Variants in CBFA2T3 observed in about 807,000 individuals in gnomAD.
CBFA2T3 encodes transcriptional corepressor CBFA2T3.
CBFA2T3 carries 31 observed loss-of-function variants against 58.6 expected under a neutral mutation model. The observed-to-expected ratio is 0.53, with a 90% confidence interval of 0.40 to 0.71. The LOEUF (loss-of-function observed/expected upper bound fraction) is 0.71. Ranked by LOEUF, CBFA2T3 falls within the 30% of genes least tolerant of loss-of-function variation. The probability of loss-of-function intolerance (pLI) is 0.00; values close to 1 mark genes in which losing one functional copy is unlikely to be tolerated. For missense variants in CBFA2T3, 1,076 were observed against 963.1 expected (o/e 1.12, Z -1.55); for synonymous variants, 531 against 421.9 (o/e 1.26, Z -3.17).
chr16:88,909,507 C>T (rs112193073), intron 1 of CBFA2T3, among the ~76,000 whole-genome samples: 7 of 76,000 alleles, frequency 9.2e-5, no homozygotes, highest in African/African-American at 2.2e-4. Context: ...GGACGGAGGA[C>T]GCCACTGCAA....
intron 5 of CBFA2T3, 69 bp from the exon 6 acceptor site, chr16:88,886,211 G>A: frequency 8.2e-7 from 1 of 1,225,374 alleles, no homozygotes; most frequent in Non-Finnish European, 1.1e-6. Context: ...TCCGAGCAGA[G>A]GGGGCCTGGG....
In CBFA2T3 at chr16:88,976,743, A is replaced by C; in HGVS notation, c.65T>G (p.Met22Arg). 6.4e-7 allele frequency: 1 copy of C among 1,557,336 alleles called. No homozygotes were observed. Among genetic ancestry groups the C allele is most frequent in the Non-Finnish European group, 8.7e-7 (1 of 1,150,394 alleles). ...SSASGSTCGS[M>R]SQTHPVLESG... Reference sequence around the variant, plus strand: ...CTCCAGCACAGGGTGCGTCTGGGACATGGAGCCACAGGTGGATCCCGAGGC... The same window carrying C: ...CTCCAGCACAGGGTGCGTCTGGGACCTGGAGCCACAGGTGGATCCCGAGGC... The change falls in exon 1 of 12, where the codon ATG (methionine) becomes AGG (arginine). Residue 22 changes from methionine (M) to arginine (R), a missense_variant. Met to Arg is a moderately conservative substitution (Grantham distance 91, BLOSUM62 -1). Coordinates refer to ENST00000268679, the MANE Select transcript of CBFA2T3 (RefSeq NM_005187.6).
At chr16:88,896,831 G>C (rs1474774964) in intron 3 of CBFA2T3, among the ~76,000 whole-genome samples, 1 of 152,172 alleles carries the variant, frequency 6.6e-6, no homozygotes, top group Non-Finnish European at 1.5e-5. Context: ...GCGCTTACCA[G>C]CCTTGCCCCG....
At position 88,961,928 on chromosome 16, in the gene CBFA2T3, C is replaced by G. The variant is rs576714229; in HGVS notation, c.151+14729G>C. Among the ~76,000 whole-genome samples the G allele has an allele frequency of 3.9e-3, 571 of 146,700 alleles. 11 individuals are homozygous for G. The highest frequency in any genetic ancestry group is 0.014 in the African/African-American group (552 of 38,862). On this transcript the variant is annotated intron_variant, in intron 1 of 11. Coordinates refer to ENST00000268679, the MANE Select transcript of CBFA2T3 (RefSeq NM_005187.6). ...CGACCCTCAGTGCTGGGCATTCCCA[C>G]TCCATAGTAACCGACACTCAGCGCT... is the stretch of plus-strand genomic sequence containing the variant.
intron 5 of CBFA2T3, among the ~76,000 whole-genome samples, chr16:88,891,311 C>A (rs72813600): frequency 0.22 from 34,019 of 152,064 alleles, 4,127 homozygotes; most frequent in East Asian, 0.45. Context: ...GAAAACCCTG[C>A]GCTGGCTCTG....
chr16:88,898,559 C>T (rs1226207308), intron 2 of CBFA2T3, among the ~76,000 whole-genome samples: 5 of 152,208 alleles, frequency 3.3e-5, no homozygotes, highest in Admixed American at 1.3e-4. Context: ...TGAGCAGGGG[C>T]GGGGCCCCTT....
At chr16:88,916,114 G>A (rs940606307) in intron 1 of CBFA2T3, among the ~76,000 whole-genome samples, 3 of 151,900 alleles carry the variant, frequency 2.0e-5, no homozygotes, top group South Asian at 4.1e-4. Context: ...GTGTGTGTCC[G>A]TGTATGTGTG....
intron 1 of CBFA2T3, among the ~76,000 whole-genome samples, chr16:88,946,824 C>G (rs1372146083): frequency 6.6e-6 from 1 of 152,090 alleles, no homozygotes; most frequent in Non-Finnish European, 1.5e-5. Flanking sequence ...CTCACTCTGT[C>G]TCCCAGGCTG....
chr16:88,932,822 A>AT (rs1971359179), intron 1 of CBFA2T3, among the ~76,000 whole-genome samples: 1 of 133,022 alleles, frequency 7.5e-6, no homozygotes, highest in Non-Finnish European at 1.7e-5. Flanking sequence ...AAAAAAAAAA[A>AT]GCCGGGTGCA....
Position 88,976,699 on chromosome 16 carries a change from C to A in CBFA2T3, c.109G>T (p.Ala37Ser). The change falls in exon 1 of 12, where the codon GCC becomes TCC. Residue 37 changes from alanine to serine, a missense_variant. By Grantham distance (99) the Ala-to-Ser change is moderately conservative (BLOSUM62 1). Coordinates refer to ENST00000268679, the MANE Select transcript of CBFA2T3 (RefSeq NM_005187.6). ...GGACCCCGGGGTGCGGAGCAGCCGG[C>A]AGATGCCAGGAGGCCGCTCTCCAGC... ...PVLESGLLASAGCSAPRGPRK... is the reference protein window; with the variant it reads ...PVLESGLLASSGCSAPRGPRK... 6.4e-7 allele frequency: 1 copy of A among 1,561,098 alleles called. No individual in the cohort carries two copies. The highest frequency in any genetic ancestry group is 8.7e-7 in the Non-Finnish European group (1 of 1,152,660).
At chr16:88,906,394 G>A (rs532091401) in intron 1 of CBFA2T3, among the ~76,000 whole-genome samples, 36 of 152,312 alleles carry the variant, frequency 2.4e-4, no homozygotes, top group Admixed American at 1.0e-3. Context: ...AGGCCTGGCC[G>A]CATCCCCTCG....
intron 1 of CBFA2T3, among the ~76,000 whole-genome samples, chr16:88,926,687 G>A (rs929157652): frequency 6.6e-6 from 1 of 152,240 alleles, no homozygotes; most frequent in East Asian, 1.9e-4. Flanking sequence ...CCATGGTCCC[G>A]TGCGTGCCAG....
intron 3 of CBFA2T3, among the ~76,000 whole-genome samples, chr16:88,893,733 C>T (rs1213851660): frequency 6.6e-6 from 1 of 152,240 alleles, no homozygotes; most frequent in East Asian, 1.9e-4. Flanking sequence ...AGGGGCCTGG[C>T]AGACATGGGG....
chr16:88,905,594 G>A (rs1032432003), intron 1 of CBFA2T3, among the ~76,000 whole-genome samples: 3 of 151,154 alleles, frequency 2.0e-5, no homozygotes, highest in African/African-American at 4.9e-5. Flanking sequence ...CCCAGCCCCC[G>A]CTTAGGGGCT....
rs1209090280 is a variant in CBFA2T3 at position 88,885,202 on chromosome 16, G to A, written c.961C>T (p.Leu321=). 6.2e-7 allele frequency: 1 copy of A among 1,602,668 alleles called. No homozygotes were observed. The highest frequency in any genetic ancestry group is 1.1e-5 in the South Asian group (1 of 90,480). The change falls in exon 7 of 12, where the codon CTG becomes TTG. Residue 321 remains leucine, a synonymous_variant. Coordinates refer to ENST00000268679, the MANE Select transcript of CBFA2T3 (RefSeq NM_005187.6). The surrounding 1 kb of genome is among the most constrained non-coding windows in gnomAD (Gnocchi z 5.3). The part of the protein sequence containing the change: ...PEHLSKRPCT[L]NPAQRYSPSN... The stretch of plus-strand genomic sequence containing the variant: ...GGGCTGTAGCGCTGGGCAGGGTTCA[G>A]GGTGCATGGCCGTTTGCTGAGGTGC...
At chr16:88,969,685 G>C (rs1285286399) in intron 1 of CBFA2T3, among the ~76,000 whole-genome samples, 1 of 152,222 alleles carries the variant, frequency 6.6e-6, no homozygotes, top group African/African-American at 2.4e-5. Context: ...ACCGCCCGTG[G>C]GGCTGCATCT....
chr16:88,919,890 CA>C (rs949578462), intron 1 of CBFA2T3, among the ~76,000 whole-genome samples: 3 of 152,190 alleles, frequency 2.0e-5, no homozygotes, highest in African/African-American at 7.2e-5. Context: ...ACAAAGGGGC[CA>C]ATGATAGCGT....
Position 88,895,616 on chromosome 16 carries a change from C to CG in CBFA2T3, c.379+2461dup, listed in dbSNP as rs554456414. Among the ~76,000 whole-genome samples the CG allele has an allele frequency of 1.8e-3, 273 of 152,194 alleles. 3 individuals are homozygous for CG. Among genetic ancestry groups the CG allele is most frequent in the African/African-American group, 6.4e-3 (265 of 41,508 alleles). Reference sequence around the variant, plus strand: ...TGTGCTCTGGATGTTCTTGGTGGAGCGGGGGGAACAGGTGTGCCCACGACT... The same window carrying CG: ...TGTGCTCTGGATGTTCTTGGTGGAGCGGGGGGGAACAGGTGTGCCCACGACT... On this transcript the variant is annotated intron_variant, in intron 3 of 11. Coordinates refer to ENST00000268679, the MANE Select transcript of CBFA2T3 (RefSeq NM_005187.6).
At chr16:88,944,167 C>G (rs1242685764) in intron 1 of CBFA2T3, among the ~76,000 whole-genome samples, 1 of 151,942 alleles carries the variant, frequency 6.6e-6, no homozygotes, top group Non-Finnish European at 1.5e-5. Context: ...GAAACCCTGT[C>G]TCTACTAAAA....
Sources: gnomAD v4.1 joint callset for allele counts (sites outside exome capture counted in the v4.1 genomes callset) on GRCh38, gnomAD v4.1.1 for gene constraint, Gnocchi (gnomAD v3.1) non-coding constraint, MANE v1.5 for transcripts, NCBI Gene and HGNC (gene_info 2026-07-23, HGNC 2026-07-21) for gene names.